The following MUC7 variants were observed in gnomAD, a reference collection of about 807,000 sequenced individuals.
MUC7 encodes the protein mucin-7.
MUC7 carries 2 observed loss-of-function variants against 2.5 expected under a neutral mutation model. The observed-to-expected ratio is 0.81, with a 90% CI of 0.33 to 2.55. The LOEUF is 2.55. Among genes scored for constraint, MUC7 ranks in the 30% most tolerant of loss-of-function variants. The probability of loss-of-function intolerance (pLI) is 0.11; values close to 1 mark genes in which losing one functional copy is unlikely to be tolerated. For synonymous variants in MUC7, 133 were observed against 173.4 expected (o/e 0.77, Z 1.83); for missense variants, 408 against 455.6 (o/e 0.90, Z 0.95).
chr4:70,449,372 C>T (rs920162206), intron 1 of MUC7, among the ~76,000 whole-genome samples: 10 of 152,044 alleles, frequency 6.6e-5, no homozygotes, highest in Non-Finnish European at 1.3e-4. Flanking sequence ...GAGAACCAAC[C>T]GAAAGGGGTT....
chr4:70,473,895 C>A, intron 1 of MUC7, 112 bp from the exon 2 acceptor site: 1 of 723,092 alleles, frequency 1.4e-6, no homozygotes, highest in Non-Finnish European at 2.3e-6. Flanking sequence ...TTTTCAGAAA[C>A]CATTGGTCTC....
chr4:70,453,855 G>A (rs1020877770), intron 1 of MUC7, among the ~76,000 whole-genome samples: 1 of 152,040 alleles, frequency 6.6e-6, no homozygotes, highest in African/African-American at 2.4e-5. Context: ...TTAGTTAGCA[G>A]GTGATGAATC....
At chr4:70,436,571 CT>C (rs1733840899) in intron 1 of MUC7, among the ~76,000 whole-genome samples, 1 of 152,168 alleles carries the variant, frequency 6.6e-6, no homozygotes, top group African/African-American at 2.4e-5. Flanking sequence ...CTTCTCTACA[CT>C]TGTTATTCTA....
chr4:70,444,264 C>T (rs539442818), intron 1 of MUC7, among the ~76,000 whole-genome samples: 7 of 152,328 alleles, frequency 4.6e-5, no homozygotes, highest in African/African-American at 1.7e-4. Context: ...AACCCATCAG[C>T]TTCCACACCT....
At chr4:70,474,236 A>G (rs898922664) in intron 2 of MUC7, among the ~76,000 whole-genome samples, 161 bp downstream of exon 2, 1 of 152,080 alleles carries the variant, frequency 6.6e-6, no homozygotes, top group Non-Finnish European at 1.5e-5. Flanking sequence ...TGGCCGGTGC[A>G]CTGGCTCACA....
intron 2 of MUC7, among the ~76,000 whole-genome samples, chr4:70,476,762 G>C (rs190057488): frequency 1.3e-3 from 197 of 152,328 alleles, no homozygotes; most frequent in South Asian, 0.012. Context: ...ACTTCAGCCT[G>C]GGTGACAGAG....
intron 1 of MUC7, 30 bp from the exon 2 acceptor site, chr4:70,473,977 A>G: frequency 1.3e-6 from 2 of 1,514,130 alleles, no homozygotes; most frequent in Non-Finnish European, 1.8e-6. Flanking sequence ...TATCATAACT[A>G]ATAGTACGCC....
chr4:70,467,508 G>A (rs534861687), upstream of MUC7, among the ~76,000 whole-genome samples: 94 of 152,100 alleles, frequency 6.2e-4, 1 homozygote, highest in African/African-American at 1.9e-3. Flanking sequence ...TAGATAGACC[G>A]CTAGCCAGAC....
At position 70,481,534 on chromosome 4, in the gene MUC7, C is replaced by A. The variant is rs1735188150; in HGVS notation, c.790C>A (p.Pro264Thr). 1.2e-6 allele frequency: 2 copies of A among 1,610,146 alleles called. No homozygotes were observed. Among genetic ancestry groups the A allele is most frequent in the South Asian group, 2.2e-5 (2 of 90,920 alleles). The change falls in exon 3 of 3, where the codon CCT (proline) becomes ACT (threonine). Residue 264 changes from proline to threonine, a missense_variant. This residue lies in a region of MUC7 where 175 missense variants were observed against 187.1 expected (regional missense o/e 0.94). Transcript: ENST00000304887. ...PPETTAVPPT[P>T]SATTLDPSSA... ...AGAGACCACAGCTGTCCCACCCACACCTTCTGCAACTACCCTAGACCCATC... is the reference window on the plus strand; with the variant it reads ...AGAGACCACAGCTGTCCCACCCACAACTTCTGCAACTACCCTAGACCCATC...
At chr4:70,433,195 A>T (rs1733726845) in intron 1 of MUC7, among the ~76,000 whole-genome samples, 1 of 151,884 alleles carries the variant, frequency 6.6e-6, no homozygotes, top group Non-Finnish European at 1.5e-5. Context: ...TTTACTTAGG[A>T]TTGTCTGGCT....
intron 2 of MUC7, among the ~76,000 whole-genome samples, chr4:70,475,276 C>G (rs1734963783): frequency 1.3e-5 from 2 of 151,208 alleles, no homozygotes; most frequent in Admixed American, 6.6e-5. Context: ...AAGATTTTGT[C>G]TCAAAAGAAA....
At chr4:70,450,392 A>T (rs1734251690) in intron 1 of MUC7, among the ~76,000 whole-genome samples, 1 of 152,200 alleles carries the variant, frequency 6.6e-6, no homozygotes, top group South Asian at 2.1e-4. Flanking sequence ...TCCAAGAGTC[A>T]AGTCCTGGAA....
intron 2 of MUC7, among the ~76,000 whole-genome samples, chr4:70,475,941 A>G (rs1350251004): frequency 1.3e-5 from 2 of 152,134 alleles, no homozygotes; most frequent in Non-Finnish European, 2.9e-5. Context: ...CCCGGACCCT[A>G]ATGCTGATTT....
intron 1 of MUC7, among the ~76,000 whole-genome samples, chr4:70,450,635 G>A (rs1343236656): frequency 2.0e-5 from 3 of 152,148 alleles, no homozygotes; most frequent in Non-Finnish European, 4.4e-5. Flanking sequence ...AGTTATTCAG[G>A]GCCCAAGGAC....
At chr4:70,447,253 G>A (rs1326760614) in intron 1 of MUC7, among the ~76,000 whole-genome samples, 2 of 152,056 alleles carry the variant, frequency 1.3e-5, no homozygotes, top group Non-Finnish European at 2.9e-5. Flanking sequence ...ACATAAAATG[G>A]GGATAACAAT....
intron 1 of MUC7, among the ~76,000 whole-genome samples, chr4:70,449,037 C>A (rs959314531): frequency 6.6e-6 from 1 of 152,106 alleles, no homozygotes; most frequent in East Asian, 1.9e-4. Context: ...ACTGTTCTTT[C>A]CTCAATGGAT....
At chr4:70,438,451 T>G (rs182710535) in intron 1 of MUC7, among the ~76,000 whole-genome samples, 46 of 150,846 alleles carry the variant, frequency 3.0e-4, no homozygotes, top group South Asian at 4.3e-4. Flanking sequence ...TTTTGTTTTG[T>G]TTTGTTTTGG....
At chr4:70,480,257 T>C (rs1735126389) in intron 2 of MUC7, among the ~76,000 whole-genome samples, 1 of 152,240 alleles carries the variant, frequency 6.6e-6, no homozygotes, top group South Asian at 2.1e-4. Flanking sequence ...TTATAAAGGC[T>C]AAAAACTGTT....
At chr4:70,452,952 C>T (rs554130267) in intron 1 of MUC7, among the ~76,000 whole-genome samples, 1 of 152,302 alleles carries the variant, frequency 6.6e-6, no homozygotes, top group Non-Finnish European at 1.5e-5. Flanking sequence ...AGGATATTTT[C>T]ACCAGATATA....
Sources: allele counts gnomAD v4.1 joint callset (sites outside exome capture counted in the v4.1 genomes callset), GRCh38; gene constraint gnomAD v4.1.1; regional missense constraint gnomAD v4.1.1; transcripts MANE v1.5; gene names NCBI Gene and HGNC (gene_info 2026-07-23, HGNC 2026-07-21).